STK32B: variants seen among roughly 807,000 people sequenced by gnomAD.
STK32B encodes the protein serine/threonine-protein kinase 32B.
STK32B carries 43 observed loss-of-function variants against 52.6 expected under a neutral mutation model. The ratio of observed to expected loss-of-function variants is 0.82; its 90% confidence interval spans 0.64 to 1.05. The LOEUF (loss-of-function observed/expected upper bound fraction) is 1.05, where lower values mean the gene tolerates loss of function less well. STK32B is among the 50% of genes least tolerant of loss of function. The pLI, the probability that STK32B is intolerant of heterozygous loss-of-function variation, is 0.00. For synonymous variants in STK32B, 238 were observed against 204.3 expected (o/e 1.17, Z -1.41); for missense variants, 621 against 534.6 (o/e 1.16, Z -1.59).
chr4:5,289,592 C>T (rs1728757957), intron 3 of STK32B, among the ~76,000 whole-genome samples: 1 of 151,662 alleles, frequency 6.6e-6, no homozygotes. Context: ...CAAAATGGCT[C>T]ACTGCAAGCT....
At chr4:5,037,798 G>A in the STK32B span, among the ~76,000 whole-genome samples, 1 of 152,194 alleles carries the variant, frequency 6.6e-6, no homozygotes, top group African/African-American at 2.4e-5. Context: ...CTATGACACT[G>A]CTTTTATTTA....
At chr4:5,089,611 T>C (rs1349694160) in intron 1 of STK32B, among the ~76,000 whole-genome samples, 1 of 152,178 alleles carries the variant, frequency 6.6e-6, no homozygotes, top group Non-Finnish European at 1.5e-5. Flanking sequence ...GTTGGTTCCA[T>C]GTCTTTGGTA....
At chr4:5,497,952 C>T (rs1164106182) in intron 11 of STK32B, among the ~76,000 whole-genome samples, 1 of 152,096 alleles carries the variant, frequency 6.6e-6, no homozygotes, top group East Asian at 1.9e-4. Flanking sequence ...CAAGGTAGAA[C>T]TAATAGTAAT....
In STK32B at chr4:5,173,468, G is replaced by C. The variant is rs368017107; in HGVS notation, c.260+5018G>C. ...TGCTATAAATTTGCCTCTACACACT[G>C]CTTTGAATGTGTCCCAGAGATTCTG... On this transcript the variant is annotated intron_variant, in intron 3 of 11. Transcript: ENST00000282908. 7.2e-5 allele frequency among the ~76,000 whole-genome samples: 11 copies of C among 152,120 alleles called. No individual in the cohort carries two copies. In the East Asian group the frequency reaches 1.7e-3, roughly 24 times the overall value.
At chr4:5,449,253 G>C (rs755010479) in intron 7 of STK32B, among the ~76,000 whole-genome samples, 2 of 152,172 alleles carry the variant, frequency 1.3e-5, no homozygotes, top group African/African-American at 2.4e-5. Flanking sequence ...TGAGGCAGGA[G>C]AATTGCTTGA....
At chr4:5,471,458 G>T (rs1717849571) in intron 11 of STK32B, among the ~76,000 whole-genome samples, 1 of 152,098 alleles carries the variant, frequency 6.6e-6, no homozygotes, top group Admixed American at 6.5e-5. Flanking sequence ...TGGGAGGAAG[G>T]ACTGGAGCGG....
chr4:5,432,239 C>T (rs890640198), intron 6 of STK32B: 4 of 152,236 alleles, frequency 2.6e-5, no homozygotes, highest in Admixed American at 6.5e-5. Flanking sequence ...AACTCTGTGA[C>T]TTAAGTTCTT....
intron 4 of STK32B, among the ~76,000 whole-genome samples, chr4:5,333,195 G>C (rs377164793): frequency 0.026 from 3,964 of 152,154 alleles, 172 homozygotes; most frequent in African/African-American, 0.09. Context: ...ATTCTAACTG[G>C]TGTGAGATGG....
chr4:5,477,928 A>G (rs1718369018), intron 11 of STK32B, among the ~76,000 whole-genome samples: 1 of 152,030 alleles, frequency 6.6e-6, no homozygotes, highest in Non-Finnish European at 1.5e-5. Flanking sequence ...CCCCACCCAC[A>G]CCAAGAAGGA....
rs577875539 is a variant in STK32B at position 5,354,299 on chromosome 4, T to C, written c.434+22906T>C. Reference sequence around the variant, plus strand: ...TGTACAATTTTAGATGGAGTCTCACTCTGTGGCCCAGGCTGGACTGCAGTG... The same window carrying C: ...TGTACAATTTTAGATGGAGTCTCACCCTGTGGCCCAGGCTGGACTGCAGTG... On this transcript the variant is annotated intron_variant, in intron 4 of 11. Transcript: ENST00000282908. Among the ~76,000 whole-genome samples, 183 of 152,314 alleles carry C rather than the reference T, an allele frequency of 1.2e-3. 1 individual carries two copies. The highest frequency in any genetic ancestry group is 4.2e-3 in the African/African-American group (174 of 41,574).
chr4:5,310,494 C>G (rs753019879), intron 3 of STK32B, among the ~76,000 whole-genome samples: 2 of 152,094 alleles, frequency 1.3e-5, no homozygotes, highest in African/African-American at 4.8e-5. Context: ...GAGAGATCAT[C>G]TCACCCCATT....
intron 3 of STK32B, among the ~76,000 whole-genome samples, chr4:5,225,416 TAAAATA>T (rs1489746467): frequency 1.3e-5 from 2 of 151,872 alleles, no homozygotes; most frequent in African/African-American, 4.8e-5. Context: ...CGAAAAAAAA[TAAAATA>T]AAATAAAACA....
intron 6 of STK32B, among the ~76,000 whole-genome samples, chr4:5,430,903 TG>T (rs751913185): frequency 6.6e-6 from 1 of 152,234 alleles, no homozygotes; most frequent in Non-Finnish European, 1.5e-5. Flanking sequence ...GGTCTCTCTC[TG>T]TGCTCCTGTT....
intron 5 of STK32B, among the ~76,000 whole-genome samples, chr4:5,410,521 C>T (rs1418075230): frequency 6.6e-6 from 1 of 152,116 alleles, no homozygotes; most frequent in East Asian, 1.9e-4. Flanking sequence ...GCATGGCACC[C>T]ATAAAAGTGT....
intron 4 of STK32B, among the ~76,000 whole-genome samples, chr4:5,357,066 CACAT>C (rs1241492377): frequency 6.8e-6 from 1 of 146,584 alleles, no homozygotes; most frequent in Non-Finnish European, 1.5e-5. Flanking sequence ...CATATATACA[CACAT>C]ATACACACAC....
intron 6 of STK32B, among the ~76,000 whole-genome samples, chr4:5,433,371 T>A (rs1462466755): frequency 6.6e-6 from 1 of 152,032 alleles, no homozygotes; most frequent in East Asian, 1.9e-4. Context: ...TCAGACAGGT[T>A]GAGTTGTGCC....
intron 6 of STK32B, among the ~76,000 whole-genome samples, chr4:5,441,462 C>G (rs1406824935): frequency 6.6e-6 from 1 of 150,576 alleles, no homozygotes; most frequent in Non-Finnish European, 1.5e-5. Flanking sequence ...TCCCCTTTAT[C>G]ATTTTTTATT....
chr4:5,191,490 G>A (rs763773020), intron 3 of STK32B, among the ~76,000 whole-genome samples: 1 of 151,966 alleles, frequency 6.6e-6, no homozygotes. Context: ...TCCTGACCTC[G>A]TGATCTGCCC....
At chr4:5,158,277 G>A (rs1718025994) in intron 2 of STK32B, among the ~76,000 whole-genome samples, 1 of 152,110 alleles carries the variant, frequency 6.6e-6, no homozygotes, top group Non-Finnish European at 1.5e-5. Flanking sequence ...TTACCCTGAG[G>A]GCACCAAGGG....
Sources: gnomAD v4.1 joint callset for allele counts (sites outside exome capture counted in the v4.1 genomes callset) on GRCh38, gnomAD v4.1.1 for gene constraint, MANE v1.5 for transcripts, NCBI Gene and HGNC (gene_info 2026-07-23, HGNC 2026-07-21) for gene names.